Variants in MAPK3 observed in about 807,000 individuals in gnomAD.
The protein encoded by MAPK3 is MAPK 1.
In MAPK3, 30 loss-of-function variants were observed where a neutral mutation model predicts 41.8. The ratio of observed to expected loss-of-function variants is 0.72; its 90% CI spans 0.54 to 0.97. MAPK3 has a LOEUF of 0.97. MAPK3 is among the 50% of genes least tolerant of loss of function. The pLI is 0.00. For missense variants in MAPK3, 413 were observed against 509.9 expected, an observed-to-expected ratio of 0.81 and a Z score of 1.83; for synonymous variants, 222 against 213.4, an observed-to-expected ratio of 1.04 and a Z score of -0.35.
At chr16:30,122,948 T>A in intron 1 of MAPK3, 92 bp downstream of exon 1, 1 of 1,160,816 alleles carries the variant, frequency 8.6e-7, no homozygotes, top group Non-Finnish European at 1.1e-6. Flanking sequence ...GCTCCGCGTC[T>A]CCACGTCCCG....
rs1260045900 is a variant in MAPK3, at chr16:30,114,421, G to GCCAGAACCCTTCCATT, written c.*304_*319dup. 4 of 152,840 alleles carry GCCAGAACCCTTCCATT rather than the reference G, an allele frequency of 2.6e-5. No individual in the cohort carries two copies. Among genetic ancestry groups the GCCAGAACCCTTCCATT allele is most frequent in the African/African-American group, 9.7e-5 (4 of 41,396 alleles). 9.5% of individuals were successfully genotyped at this position (152,840 alleles called of 1,614,324 possible). A position where few individuals can be genotyped will look rare whatever the true frequency, so the allele number is the denominator to read the frequency against. ...CTCTGCCCTTCAGCAGGTTGGGGCA[G>GCCAGAACCCTTCCATT]CCAGAACCCTTCCATTCCAGAACTG... On this transcript the variant is annotated 3_prime_UTR_variant, in exon 9 of 9. Transcript: ENST00000263025.
intron 1 of MAPK3, chr16:30,122,324 C>T: frequency 2.4e-6 from 1 of 420,802 alleles, no homozygotes; most frequent in South Asian, 2.2e-5. Context: ...CTCCTTAACC[C>T]AAGACAGGTC....
At chr16:30,121,373 G>C (rs1021821459) in intron 2 of MAPK3, among the ~76,000 whole-genome samples, 2 of 152,158 alleles carry the variant, frequency 1.3e-5, no homozygotes, top group South Asian at 4.1e-4. Flanking sequence ...GCCTCCCAAA[G>C]TGCTGGGATT....
At chr16:30,117,116 C>G (rs1209279205) in intron 6 of MAPK3, 38 bp downstream of exon 6, 3 of 1,612,688 alleles carry the variant, frequency 1.9e-6, no homozygotes, top group African/African-American at 2.7e-5. Context: ...CCACGACACC[C>G]AAGGTTTATC....
intron 8 of MAPK3, 42 bp downstream of exon 8, chr16:30,116,578 ATACAGATATAGATATT>A (rs2072955586): frequency 6.6e-7 from 1 of 1,518,788 alleles, no homozygotes; most frequent in African/African-American, 1.4e-5. Context: ...AGATATAGAT[ATACAGATATAGATATT>A]TAGTATCAGG....
chr16:30,116,809 C>T lies in MAPK3; in HGVS notation c.1018-19G>A, dbSNP rs2151044706. 2.5e-6 allele frequency: 4 copies of T among 1,613,720 alleles called. No homozygotes were observed. Among genetic ancestry groups the T allele is most frequent in the Non-Finnish European group, 3.4e-6 (4 of 1,179,930 alleles). ...CCACTGGCTGGGGTGGTAGAGACAG[C>T]AAGGCTCAGGCCTGGCATGGGGGAT... On this transcript the variant is annotated intron_variant, in intron 7 of 8. Transcript: ENST00000263025.
At chr16:30,116,329 G>A (rs918311324) in intron 8 of MAPK3, among the ~76,000 whole-genome samples, 1 of 151,852 alleles carries the variant, frequency 6.6e-6, no homozygotes, top group African/African-American at 2.4e-5. Flanking sequence ...GTGACCCACT[G>A]TGCCCGGCTA....
chr16:30,117,102 C>T (rs544087713), intron 6 of MAPK3, 52 bp downstream of exon 6: 2 of 1,608,980 alleles, frequency 1.2e-6, no homozygotes, highest in African/African-American at 1.3e-5. Context: ...GGCTCACACA[C>T]CCTCCACGAC....
chr16:30,121,725 G>A, intron 2 of MAPK3, 99 bp downstream of exon 2: 31 of 1,255,816 alleles, frequency 2.5e-5, no homozygotes, highest in Non-Finnish European at 3.4e-5. Context: ...GTTTGTTTTG[G>A]AGGGTGGTGG....
intron 8 of MAPK3, among the ~76,000 whole-genome samples, chr16:30,115,441 G>T (rs546789146): frequency 1.3e-5 from 2 of 152,302 alleles, no homozygotes; most frequent in South Asian, 4.1e-4. Flanking sequence ...GGCCAGTGGG[G>T]TCCCCACAGC....
At chr16:30,120,442 CA>C (rs1488229678) in intron 2 of MAPK3, among the ~76,000 whole-genome samples, 1 of 152,056 alleles carries the variant, frequency 6.6e-6, no homozygotes, top group East Asian at 1.9e-4. Flanking sequence ...TGACAGGTGT[CA>C]TAAGTTGCTA....
chr16:30,123,096 C>A lies in MAPK3; in HGVS notation c.114G>T (p.Val38=). Residue 38 remains valine, a synonymous_variant, in exon 1 of 9, where the codon GTG becomes GTT. Coordinates refer to ENST00000263025, the MANE Select transcript of MAPK3 (RefSeq NM_002746.3). Reference sequence around the variant, plus strand: ...ACTGCAACTGCGTGTAGCGCGGGCCCACGTCGAACGGCTGCCCCTTCACCA... The same window carrying A: ...ACTGCAACTGCGTGTAGCGCGGGCCAACGTCGAACGGCTGCCCCTTCACCA... The part of the protein sequence containing the change: ...VEMVKGQPFD[V]GPRYTQLQYI... The A allele has an allele frequency of 2.5e-6, 4 of 1,576,172 alleles. No homozygotes were observed. The South Asian group carries it at 3.4e-5, about 13-fold the overall frequency.
chr16:30,123,137 G>A lies in MAPK3; in HGVS notation c.73C>T (p.Pro25Ser), dbSNP rs1044163469. ...RRTEGVGPGV[P>S]GEVEMVKGQP... ...CCCTTCACCATCTCCACCTCCCCCG[G>A]GACCCCCGGGCCGACCCCCTCGGTT... Residue 25 changes from proline (P) to serine (S), a missense_variant, in exon 1 of 9, where the codon CCG becomes TCG. Physicochemically the swap from Pro to Ser is moderately conservative, Grantham distance 74. Around this residue, in one of 4 missense-constraint regions of MAPK3, gnomAD observed 145 missense variants for 133.0 expected, o/e 1.09. Transcript: ENST00000263025. 16 of 1,546,458 alleles carry A rather than the reference G, an allele frequency of 1.0e-5. No individual in the cohort carries two copies. Among genetic ancestry groups the A allele is most frequent in the African/African-American group, 1.4e-5 (1 of 70,310 alleles).
Position 30,118,603 on chromosome 16 carries a change from A to G in MAPK3, c.354-65T>C, listed in dbSNP as rs2072984259. ...TGGGAGGCACTTGGTTAAGGAAAAC[A>G]GGCTCTGAAGGCGAGGCTGCACACC... is the stretch of plus-strand genomic sequence containing the variant. On this transcript the variant is annotated intron_variant, in intron 2 of 8. Coordinates refer to ENST00000263025, the MANE Select transcript of MAPK3 (RefSeq NM_002746.3). The G allele has an allele frequency of 3.7e-6, 5 of 1,366,828 alleles. No homozygotes were observed. The Admixed American group carries it at 9.5e-5, about 26-fold the overall frequency. The allele number at this position is 1,366,828 out of a possible 1,614,324, so 84.7% of individuals were successfully genotyped here. A position where few individuals can be genotyped will look rare whatever the true frequency, so the allele number is the denominator to read the frequency against.
intron 8 of MAPK3, 115 bp downstream of exon 8, chr16:30,116,521 G>A: frequency 1.7e-6 from 2 of 1,176,338 alleles, no homozygotes; most frequent in East Asian, 2.4e-5. Context: ...TTGACCATGG[G>A]TGTGGGGTAA....
intron 2 of MAPK3, among the ~76,000 whole-genome samples, chr16:30,119,872 T>G (rs867165704): frequency 2.0e-5 from 3 of 152,188 alleles, no homozygotes; most frequent in African/African-American, 2.4e-5. Context: ...GGCTGTCTTT[T>G]AGAATCTGCC....
rs1427201957 is a variant in MAPK3 at position 30,114,703 on chromosome 16, C to G, written c.*38G>C. The G allele has an allele frequency of 6.5e-6, 1 of 153,100 alleles. No individual in the cohort carries two copies. The highest frequency in any genetic ancestry group is 1.5e-5 in the Non-Finnish European group (1 of 68,794). 9.5% of individuals were successfully genotyped at this position (153,100 alleles called of 1,614,324 possible). A position where few individuals can be genotyped will look rare whatever the true frequency, so the allele number is the denominator to read the frequency against. On this transcript the variant is annotated 3_prime_UTR_variant, in exon 9 of 9. Coordinates refer to ENST00000263025, the MANE Select transcript of MAPK3 (RefSeq NM_002746.3). The stretch of plus-strand genomic sequence containing the variant: ...TGGCGGGAGAGGGGCAGGCAGGAGG[C>G]AGGTCCTAAAGAGAGAAGCAGGCAG...
chr16:30,116,496 T>C, intron 8 of MAPK3, 140 bp downstream of exon 8: 2 of 976,720 alleles, frequency 2.0e-6, no homozygotes, highest in Non-Finnish European at 1.5e-6. Flanking sequence ...GGCACTTCTG[T>C]TGTCACCAGA....
chr16:30,116,559 G>GAT, intron 8 of MAPK3, 77 bp downstream of exon 8: 1 of 1,445,656 alleles, frequency 6.9e-7, no homozygotes, highest in Non-Finnish European at 9.4e-7. Context: ...GGCATGTACA[G>GAT]ATAGATATAG....
Sources: gnomAD v4.1 joint callset for allele counts (sites outside exome capture counted in the v4.1 genomes callset) on GRCh38, gnomAD v4.1.1 for gene constraint, gnomAD v4.1.1 regional missense constraint, MANE v1.5 for transcripts, NCBI Gene and HGNC (gene_info 2026-07-23, HGNC 2026-07-21) for gene names.